The following HIVEP2 variants were observed in gnomAD, a reference collection of about 807,000 sequenced individuals.
The protein encoded by HIVEP2 is HIVEP zinc finger 2, also known as transcription factor HIVEP2.
HIVEP2 carries 14 observed loss-of-function variants against 180.7 expected under a neutral mutation model. The ratio of observed to expected loss-of-function variants is 0.08; its 90% CI spans 0.05 to 0.12. The LOEUF is 0.12. Ranked by LOEUF, HIVEP2 falls within the 10% of genes least tolerant of loss-of-function variation. The pLI, the probability that HIVEP2 is intolerant of heterozygous loss-of-function variation, is 1.00. For missense variants in HIVEP2, 2,579 were observed against 3,008.5 expected (o/e 0.86, Z 3.34); for synonymous variants, 1,184 against 1,136.4 (o/e 1.04, Z -0.84).
intron 1 of HIVEP2, among the ~76,000 whole-genome samples, chr6:142,900,120 T>A (rs999959535): frequency 2.6e-5 from 4 of 152,210 alleles, no homozygotes; most frequent in African/African-American, 9.6e-5. Flanking sequence ...ATTCCATGTA[T>A]CTCCTGGATT....
intron 1 of HIVEP2, among the ~76,000 whole-genome samples, chr6:142,860,797 G>A (rs530943085): frequency 3.3e-5 from 5 of 152,296 alleles, no homozygotes; most frequent in South Asian, 2.1e-4. Context: ...CTAGTGATCC[G>A]TAGCCCAGGT....
Position 142,752,232 on chromosome 6 carries a change from G to A in HIVEP2, c.*875C>T, listed in dbSNP as rs949435354. 12 of 152,612 alleles carry A rather than the reference G, an allele frequency of 7.9e-5. No individual in the cohort carries two copies. Among genetic ancestry groups the A allele is most frequent in the South Asian group, 2.1e-4 (1 of 4,822 alleles). 9.5% of individuals were successfully genotyped at this position (152,612 alleles called of 1,614,324 possible). On this transcript the variant is annotated 3_prime_UTR_variant, in exon 10 of 10. Transcript: ENST00000367603. ...GGTGGAATGTTTTCCCATATTTTTA[G>A]ATGAGTATATAGATCAACATGTTCA...
intron 7 of HIVEP2, among the ~76,000 whole-genome samples, chr6:142,763,137 G>A (rs537907208): frequency 2.0e-5 from 3 of 152,310 alleles, no homozygotes; most frequent in East Asian, 1.9e-4. Flanking sequence ...TCAGGCTTTA[G>A]ACTCCCATCT....
At chr6:142,897,003 C>A (rs1777015167) in intron 1 of HIVEP2, among the ~76,000 whole-genome samples, 1 of 152,120 alleles carries the variant, frequency 6.6e-6, no homozygotes, top group Non-Finnish European at 1.5e-5. Context: ...AAACATAGTT[C>A]CAGATAGGCC....
At chr6:142,936,259 C>G (rs1026549860) in intron 1 of HIVEP2, among the ~76,000 whole-genome samples, 38 of 151,608 alleles carry the variant, frequency 2.5e-4, no homozygotes, top group Admixed American at 1.9e-3. Context: ...GTGGGGCGAT[C>G]TCGGCTCACT....
At chr6:142,935,285 T>G (rs942660557) in intron 1 of HIVEP2, among the ~76,000 whole-genome samples, 1 of 152,146 alleles carries the variant, frequency 6.6e-6, no homozygotes, top group African/African-American at 2.4e-5. Context: ...CAGTGGCTCA[T>G]GCCTGTAATC....
intron 2 of HIVEP2, among the ~76,000 whole-genome samples, chr6:142,827,488 AG>A (rs1347309517): frequency 6.6e-6 from 1 of 152,232 alleles, no homozygotes; most frequent in Non-Finnish European, 1.5e-5. Context: ...AATATCCTTG[AG>A]GACAGGAAAA....
At chr6:142,786,357 GA>G (rs1299333987) in intron 2 of HIVEP2, among the ~76,000 whole-genome samples, 4 of 152,132 alleles carry the variant, frequency 2.6e-5, no homozygotes, top group Admixed American at 2.0e-4. Context: ...CAAGTTTTCA[GA>G]AATAGTGCTA....
chr6:142,808,026 T>G (rs1231362863), intron 2 of HIVEP2, among the ~76,000 whole-genome samples: 1 of 152,182 alleles, frequency 6.6e-6, no homozygotes, highest in African/African-American at 2.4e-5. Context: ...CCAAACTCCA[T>G]GTCTATCACT....
intron 1 of HIVEP2, among the ~76,000 whole-genome samples, chr6:142,935,506 G>C (rs181765393): frequency 6.6e-6 from 1 of 152,172 alleles, no homozygotes; most frequent in Non-Finnish European, 1.5e-5. Flanking sequence ...GGCCCAGATC[G>C]CACCACTGCA....
intron 2 of HIVEP2, among the ~76,000 whole-genome samples, chr6:142,809,691 T>C (rs1300976160): frequency 6.6e-6 from 1 of 152,116 alleles, no homozygotes; most frequent in African/African-American, 2.4e-5. Context: ...CCTCCCTAGT[T>C]CAAGTGATTC....
intron 1 of HIVEP2, among the ~76,000 whole-genome samples, chr6:142,868,627 T>C (rs1349205660): frequency 6.6e-6 from 1 of 152,160 alleles, no homozygotes; most frequent in Non-Finnish European, 1.5e-5. Flanking sequence ...AATGATCTAA[T>C]TCAATATAGG....
At chr6:142,861,669 A>G (rs1007674121) in intron 1 of HIVEP2, among the ~76,000 whole-genome samples, 13 of 152,316 alleles carry the variant, frequency 8.5e-5, no homozygotes, top group Non-Finnish European at 1.2e-4. Flanking sequence ...ATCATCAAGT[A>G]AATGCCCTTA....
Position 142,830,364 on chromosome 6 carries a change from G to A in HIVEP2, c.-528+6571C>T, listed in dbSNP as rs183248301. Among the ~76,000 whole-genome samples, 125 of 152,244 alleles carry A rather than the reference G, an allele frequency of 8.2e-4. No individual in the cohort carries two copies. The Middle Eastern group carries it at 0.014, about 17-fold the overall frequency. ...TTTCAGCAAGTCGTGAGATGGCAATGATCACCCTCCTCAAAAGAAAAAGAT... is the reference window on the plus strand; with the variant it reads ...TTTCAGCAAGTCGTGAGATGGCAATAATCACCCTCCTCAAAAGAAAAAGAT... On this transcript the variant is annotated intron_variant, in intron 2 of 9. Transcript: ENST00000367603.
At chr6:142,781,514 C>T (rs1775859628) in intron 3 of HIVEP2, among the ~76,000 whole-genome samples, 1 of 152,142 alleles carries the variant, frequency 6.6e-6, no homozygotes, top group African/African-American at 2.4e-5. Context: ...GTGGATGCTG[C>T]TACAGCCCAC....
At chr6:142,834,796 G>C (rs1358471615) in intron 2 of HIVEP2, among the ~76,000 whole-genome samples, 1 of 151,826 alleles carries the variant, frequency 6.6e-6, no homozygotes, top group African/African-American at 2.4e-5. Context: ...GAGGAGTTGG[G>C]CACATTTTTA....
chr6:142,831,212 G>A (rs968711381), intron 2 of HIVEP2, among the ~76,000 whole-genome samples: 15 of 152,222 alleles, frequency 9.9e-5, no homozygotes, highest in African/African-American at 3.4e-4. Context: ...AAGGAGCTGA[G>A]GGGGATATGG....
Position 142,771,547 on chromosome 6 carries a change from T to C in HIVEP2, c.3192A>G (p.Ala1064=). ...TGGACGGTGATACCGTGGAGGCTGCTGCTCCCGACACAGGAGCATGGGACA... is the reference window on the plus strand; with the variant it reads ...TGGACGGTGATACCGTGGAGGCTGCCGCTCCCGACACAGGAGCATGGGACA... ...GNLSHAPVSG[A]AASTVSPSRE... Residue 1064 remains alanine (A), a synonymous_variant, in exon 5 of 10, where the codon GCA becomes GCG. Coordinates refer to ENST00000367603, the MANE Select transcript of HIVEP2 (RefSeq NM_006734.4). This position sits in a 1 kb window ranked among gnomAD's most constrained non-coding sequence, Gnocchi z 5.4. The C allele has an allele frequency of 6.2e-7, 1 of 1,613,960 alleles. No homozygotes were observed. The highest frequency in any genetic ancestry group is 8.5e-7 in the Non-Finnish European group (1 of 1,180,034).
At chr6:142,803,566 T>TACACACGCACACAC (rs1554211947) in intron 2 of HIVEP2, among the ~76,000 whole-genome samples, 2 of 141,640 alleles carry the variant, frequency 1.4e-5, no homozygotes, top group Non-Finnish European at 3.1e-5. Flanking sequence ...ATATATAGCA[T>TACACACGCACACAC]ACACACACAC....
Sources: gnomAD v4.1 joint callset for allele counts (sites outside exome capture counted in the v4.1 genomes callset) on GRCh38, gnomAD v4.1.1 for gene constraint, Gnocchi (gnomAD v3.1) non-coding constraint, MANE v1.5 for transcripts, NCBI Gene and HGNC (gene_info 2026-07-23, HGNC 2026-07-21) for gene names.